Variants in HYDIN observed in about 807,000 individuals in gnomAD.
The protein encoded by HYDIN is axonemal central pair apparatus protein HYDIN.
A neutral mutation model predicts 403.9 loss-of-function variants in HYDIN; 132 were observed. The ratio of observed to expected loss-of-function variants is 0.33; its 90% CI spans 0.28 to 0.38. The LOEUF (loss-of-function observed/expected upper bound fraction) is 0.38, where lower values mean the gene tolerates loss of function less well. Ranked by LOEUF, HYDIN falls within the 10% of genes least tolerant of loss-of-function variation. The probability of loss-of-function intolerance (pLI) is 1.00; values close to 1 mark genes in which losing one functional copy is unlikely to be tolerated. For missense variants in HYDIN, 2,827 were observed against 5,009.5 expected (o/e 0.56, Z 13.15); for synonymous variants, 1,202 against 1,891.7 (o/e 0.64, Z 9.46).
intron 16 of HYDIN, chr16:71,062,623 GTCCACTT>G (rs993068914): frequency 7.6e-6 from 2 of 264,076 alleles, no homozygotes; most frequent in African/African-American, 4.5e-5. Flanking sequence ...AAAGGAAAAG[GTCCACTT>G]TCCACTTTCC....
Position 71,027,625 on chromosome 16 carries a change from C to A in HYDIN, c.3019G>T (p.Glu1007Ter). The change falls in exon 20 of 86, where the codon GAA becomes TAA. Residue 1007 changes from glutamate (E) to a stop codon, truncating the protein, a stop_gained. Coordinates refer to ENST00000393567, the MANE Select transcript of HYDIN (RefSeq NM_001270974.2). LOFTEE classifies it high-confidence loss of function. The part of the protein sequence containing the change: ...YPGQAIDVIL[E>*]GYSATPRIVK... ...ACCCTGGGAGTAGCAGAATAGCCTTCGAGTATCACATCAATTGCCTGGCCT... is the reference window on the plus strand; with the variant it reads ...ACCCTGGGAGTAGCAGAATAGCCTTAGAGTATCACATCAATTGCCTGGCCT... 1 of 1,613,766 alleles carries A rather than the reference C, an allele frequency of 6.2e-7. No homozygotes were observed. The highest frequency in any genetic ancestry group is 1.1e-5 in the South Asian group (1 of 91,020).
At chr16:71,205,519 C>A (rs2088250240) in intron 1 of HYDIN, among the ~76,000 whole-genome samples, 1 of 152,222 alleles carries the variant, frequency 6.6e-6, no homozygotes, top group African/African-American at 2.4e-5. Context: ...CCAAGGGGAC[C>A]CCCACAAGCC....
chr16:70,945,286 A>C (rs1351874351), intron 41 of HYDIN, among the ~76,000 whole-genome samples: 2 of 152,192 alleles, frequency 1.3e-5, no homozygotes, highest in Admixed American at 1.3e-4. Flanking sequence ...TGATTCTTTG[A>C]GTTTTGACCT....
intron 84 of HYDIN, among the ~76,000 whole-genome samples, chr16:70,811,111 T>C (rs1159890797): frequency 6.6e-6 from 1 of 152,166 alleles, no homozygotes; most frequent in Non-Finnish European, 1.5e-5. Flanking sequence ...TGAGTAAGTA[T>C]TTAAAAAAAT....
At chr16:71,157,549 T>C (rs4073435) in intron 6 of HYDIN, among the ~76,000 whole-genome samples, 53,566 of 151,142 alleles carry the variant, frequency 0.35, 9,912 homozygotes, top group East Asian at 0.57. Context: ...ATTGAAGCCA[T>C]CAGCGTTCTC....
At position 70,807,701 on chromosome 16, in the gene HYDIN, T is replaced by C; in HGVS notation, c.15245A>G (p.Glu5082Gly). 1.2e-6 allele frequency: 2 copies of C among 1,614,142 alleles called. No individual in the cohort carries two copies. The highest frequency in any genetic ancestry group is 2.2e-5 in the South Asian group (2 of 91,080). The part of the protein sequence containing the change: ...KKINNITVSF[E>G]GNPSGSKTPI... ...GGTTTTGCTGCCAGATGGGTTTCCT[T>C]CAAAGGAGACTGTGATGTTGTTGAT... is the stretch of plus-strand genomic sequence containing the variant. The change falls in exon 86 of 86, where the codon GAA becomes GGA. Residue 5082 changes from glutamate (E) to glycine (G), a missense_variant. Transcript: ENST00000393567.
intron 9 of HYDIN, among the ~76,000 whole-genome samples, chr16:71,127,900 A>G (rs2084537182): frequency 6.6e-6 from 1 of 151,526 alleles, no homozygotes; most frequent in African/African-American, 2.4e-5. Flanking sequence ...GATCTAACCC[A>G]TTATATTTGG....
intron 5 of HYDIN, among the ~76,000 whole-genome samples, chr16:71,169,386 T>C (rs1392485469): frequency 2.0e-5 from 3 of 152,048 alleles, no homozygotes; most frequent in South Asian, 2.1e-4. Context: ...TGAGCTGAGA[T>C]TGCCCCACAG....
chr16:70,993,936 C>A (rs1392646601), intron 23 of HYDIN, among the ~76,000 whole-genome samples: 2 of 152,100 alleles, frequency 1.3e-5, no homozygotes, highest in South Asian at 4.2e-4. Flanking sequence ...AATTCTATGT[C>A]ATTTACTATA....
intron 13 of HYDIN, 83 bp downstream of exon 13, chr16:71,079,802 G>A (rs1714463735): frequency 1.6e-6 from 1 of 618,486 alleles, no homozygotes; most frequent in Admixed American, 2.9e-5. Context: ...CTGTGGAACG[G>A]GGGTTCTTTG....
At chr16:71,157,817 A>G (rs547140093) in intron 6 of HYDIN, among the ~76,000 whole-genome samples, 3 of 142,402 alleles carry the variant, frequency 2.1e-5, no homozygotes, top group South Asian at 2.5e-4. Context: ...TCCGAGATTC[A>G]TAACAGCGGT....
rs373407502 is a variant in HYDIN, at chr16:70,882,661, T to G, written c.10214A>C (p.Lys3405Thr). 3 of 1,521,222 alleles carry G rather than the reference T, an allele frequency of 2.0e-6. No homozygotes were observed. The highest frequency in any genetic ancestry group is 2.7e-6 in the Non-Finnish European group (3 of 1,097,366). 94.2% of individuals were successfully genotyped at this position (1,521,222 alleles called of 1,614,324 possible). Residue 3405 changes from lysine to threonine, a missense_variant and splice_region_variant, in exon 60 of 86, where the codon AAG becomes ACG. Lys to Thr is a moderately conservative substitution (Grantham distance 78). Coordinates refer to ENST00000393567, the MANE Select transcript of HYDIN (RefSeq NM_001270974.2). ...VNIVVRPISNKPFARIVDIFE... is the reference protein window; with the variant it reads ...VNIVVRPISNTPFARIVDIFE... ...CAGGGGCCATTGGGAGCGTCTTACC[T>G]TATTGGAGATAGGCCTGACTACAAT...
chr16:70,981,217 G>T (rs1361673388), intron 29 of HYDIN, among the ~76,000 whole-genome samples, 174 bp downstream of exon 29: 1 of 152,224 alleles, frequency 6.6e-6, no homozygotes, highest in African/African-American at 2.4e-5. Context: ...TGCCATAGAC[G>T]ATTTCTTGTC....
At position 70,938,699 on chromosome 16, in the gene HYDIN, C is replaced by T; in HGVS notation, c.6910G>A (p.Glu2304Lys). ...KEKERLQNMD[E>K]EEYDALTEEE... ...TCAGTCAGGGCATCATATTCTTCCT[C>T]ATCCATGTTTTGGAGACGCTCCTTC... The change falls in exon 44 of 86, where the codon GAG (glutamate) becomes AAG (lysine). Residue 2304 changes from glutamate to lysine, a missense_variant. Physicochemically the swap from Glu to Lys is moderately conservative, Grantham distance 56 (BLOSUM62 1). Transcript: ENST00000393567. 6.2e-7 allele frequency: 1 copy of T among 1,614,068 alleles called. No individual in the cohort carries two copies. Among genetic ancestry groups the T allele is most frequent in the Non-Finnish European group, 8.5e-7 (1 of 1,179,958 alleles).
At chr16:71,224,401 T>C (rs918782038) in intron 1 of HYDIN, among the ~76,000 whole-genome samples, 3 of 152,104 alleles carry the variant, frequency 2.0e-5, no homozygotes, top group South Asian at 2.1e-4. Flanking sequence ...AACTCATCCA[T>C]GTAACGAAAA....
intron 12 of HYDIN, among the ~76,000 whole-genome samples, chr16:71,085,061 CT>C (rs1237170475): frequency 2.0e-5 from 2 of 100,382 alleles, no homozygotes; most frequent in African/African-American, 8.7e-5. Flanking sequence ...TTTTAGCTTT[CT>C]TTTCTTGTAA....
intron 45 of HYDIN, among the ~76,000 whole-genome samples, chr16:70,930,484 AG>A (rs2077285524): frequency 1.3e-5 from 2 of 151,972 alleles, no homozygotes; most frequent in Admixed American, 1.3e-4. Context: ...CTGTCTCAAA[AG>A]AAAAAAAAAA....
chr16:70,986,163 C>T (rs1375941785), intron 27 of HYDIN, among the ~76,000 whole-genome samples: 1 of 134,136 alleles, frequency 7.5e-6, no homozygotes, highest in East Asian at 2.1e-4. Flanking sequence ...GGATTCTGTC[C>T]TGTAAGAAAA....
At chr16:70,941,416 G>A (rs2077668236) in intron 43 of HYDIN, 4 of 355,794 alleles carry the variant, frequency 1.1e-5, no homozygotes, top group Non-Finnish European at 1.0e-5. Context: ...ATTGCAGAAA[G>A]GATGGAGGGG....
Sources: allele counts gnomAD v4.1 joint callset (sites outside exome capture counted in the v4.1 genomes callset), GRCh38; gene constraint gnomAD v4.1.1; transcripts MANE v1.5; gene names NCBI Gene and HGNC (gene_info 2026-07-23, HGNC 2026-07-21).